MRPL52: variants seen among roughly 807,000 people sequenced by gnomAD.
MRPL52 encodes the protein mitochondrial ribosomal protein L52, also known as large ribosomal subunit protein mL52.
Under a neutral mutation model 22.1 loss-of-function variants are expected in MRPL52, and 19 were observed. That is an observed-to-expected ratio of 0.86 (90% CI 0.60 to 1.26). The LOEUF is 1.26. MRPL52 is among the 50% of genes most tolerant of loss of function. The pLI is 0.00. For missense variants in MRPL52, 152 were observed against 148.1 expected (o/e 1.03, Z -0.14); for synonymous variants, 50 against 57.5 (o/e 0.87, Z 0.59).
rs766814719 is a variant in MRPL52 at position 22,833,475 on chromosome 14, C to T, written c.212C>T (p.Thr71Met). The T allele has an allele frequency of 1.8e-5, 29 of 1,612,702 alleles. No individual in the cohort carries two copies. Among genetic ancestry groups the T allele is most frequent in the South Asian group, 5.5e-5 (5 of 91,054 alleles). Residue 71 changes from threonine (T) to methionine (M), a missense_variant, in exon 4 of 5, where the codon ACG (threonine) becomes ATG (methionine). Coordinates refer to ENST00000397496, the MANE Select transcript of MRPL52 (RefSeq NM_180982.3). ...CTTCGAAGAAAAGCTGAAAGGGAGA[C>T]GTTTGCAGTGAGTGGTTAGAGCAAC... ...GQLRRKAERE[T>M]FARRVVLLSQ...
chr14:22,830,448 A>C, intron 3 of MRPL52, 194 bp downstream of exon 3: 1 of 626,852 alleles, frequency 1.6e-6, no homozygotes, highest in Admixed American at 2.9e-5. Context: ...AGGTAAAGCT[A>C]AACAGGATCT....
rs781099882 is a variant in MRPL52, at chr14:22,833,486, AGTGG to A, written c.219+5_219+8del. ...AGCTGAAAGGGAGACGTTTGCAGTG[AGTGG>A]TTAGAGCAACAGCCAGGGCTACCTG... On this transcript the variant is annotated splice_donor_5th_base_variant and intron_variant, in intron 4 of 4. Coordinates refer to ENST00000397496, the MANE Select transcript of MRPL52 (RefSeq NM_180982.3). The A allele has an allele frequency of 4.3e-6, 7 of 1,610,720 alleles. No individual in the cohort carries two copies. The highest frequency in any genetic ancestry group is 5.9e-6 in the Non-Finnish European group (7 of 1,176,888).
intron 2 of MRPL52, 24 bp downstream of exon 2, chr14:22,830,134 T>G (rs1042147455): frequency 6.2e-7 from 1 of 1,614,060 alleles, no homozygotes; most frequent in Non-Finnish European, 8.5e-7. Flanking sequence ...TGAGGGCACC[T>G]GGGGGACCAG....
intron 3 of MRPL52, chr14:22,831,905 G>C (rs572212062): frequency 6.6e-6 from 1 of 152,174 alleles, no homozygotes; most frequent in South Asian, 2.1e-4. Context: ...TACTCGGGAG[G>C]CTGAGGCAGG....
intron 4 of MRPL52, 76 bp downstream of exon 4, chr14:22,833,558 C>A: frequency 9.1e-7 from 1 of 1,097,044 alleles, no homozygotes; most frequent in Non-Finnish European, 1.4e-6. Context: ...AGCTGTGTTG[C>A]ACCTAAGCAA....
At chr14:22,830,155 A>G in intron 2 of MRPL52, 32 bp from the exon 3 acceptor site, 3 of 1,614,118 alleles carry the variant, frequency 1.9e-6, no homozygotes, top group South Asian at 2.2e-5. Flanking sequence ...AAGCTGGGCT[A>G]GGTCCTCACA....
intron 3 of MRPL52, chr14:22,831,105 G>GTTTTTTT (rs1566474798): frequency 2.1e-3 from 214 of 100,742 alleles, no homozygotes; most frequent in South Asian, 8.1e-3. Context: ...ACATATGACT[G>GTTTTTTT]CTTTTTTTTT....
chr14:22,831,079 G>T (rs2039600674), intron 3 of MRPL52: 1 of 611,198 alleles, frequency 1.6e-6, no homozygotes, highest in South Asian at 1.6e-5. Context: ...TGGACTATTG[G>T]AAAGACTCTG....
chr14:22,830,210 C>T lies in MRPL52; in HGVS notation c.110C>T (p.Ser37Phe). ...AGGCAGGGACTGGCTGCCAACCCCT[C>T]CGGCTACGGGCCCCTTACCGAGCTC... The part of the protein sequence containing the change: ...RLQQGLAANP[S>F]GYGPLTELPD... The change falls in exon 3 of 5, where the codon TCC becomes TTC. Residue 37 changes from serine (S) to phenylalanine (F), a missense_variant. By Grantham distance (155) the Ser-to-Phe change is radical (BLOSUM62 -2). Coordinates refer to ENST00000397496, the MANE Select transcript of MRPL52 (RefSeq NM_180982.3). 1.2e-6 allele frequency: 2 copies of T among 1,614,246 alleles called. No homozygotes were observed. Among genetic ancestry groups the T allele is most frequent in the Non-Finnish European group, 1.7e-6 (2 of 1,180,036 alleles).
At chr14:22,830,550 A>AT (rs202229243) in intron 3 of MRPL52, 446 of 448,170 alleles carry the variant, frequency 1.0e-3, no homozygotes, top group African/African-American at 3.9e-3. Context: ...AAAGGGGGAC[A>AT]TTTTTTTTTA....
chr14:22,830,299 CTAGAGG>C, intron 3 of MRPL52, 45 bp downstream of exon 3: 1 of 1,600,644 alleles, frequency 6.2e-7, no homozygotes, highest in Non-Finnish European at 8.6e-7. Context: ...AGATTTTCAC[CTAGAGG>C]GAACGCCCCT....
At chr14:22,832,945 C>T (rs191643934) in intron 3 of MRPL52, among the ~76,000 whole-genome samples, 8 of 151,938 alleles carry the variant, frequency 5.3e-5, no homozygotes, top group Admixed American at 2.0e-4. Flanking sequence ...TTTGGGAGGC[C>T]GAGGCAGGTG....
At chr14:22,830,287 G>C (rs1173151408) in intron 3 of MRPL52, 33 bp downstream of exon 3, 1 of 1,612,978 alleles carries the variant, frequency 6.2e-7, no homozygotes, top group Non-Finnish European at 8.5e-7. Context: ...ACTCCACTGG[G>C]GAGATTTTCA....
At chr14:22,833,321 C>T (rs988195276) in intron 3 of MRPL52, 97 bp from the exon 4 acceptor site, 14 of 766,528 alleles carry the variant, frequency 1.8e-5, no homozygotes, top group Non-Finnish European at 2.3e-5. Flanking sequence ...AAGAGAGGAG[C>T]TAGAGATTGG....
Position 22,834,360 on chromosome 14 carries a change from ATTTCT to A in MRPL52, c.*45_*49del. 2.5e-6 allele frequency: 4 copies of A among 1,579,186 alleles called. No homozygotes were observed. Among genetic ancestry groups the A allele is most frequent in the Non-Finnish European group, 3.4e-6 (4 of 1,164,874 alleles). ...CCTCCCTTCCTCACCCTGTCTCTGG[ATTTCT>A]TTTCTATCACCTAGATGCTTCATCC... is the stretch of plus-strand genomic sequence containing the variant. On this transcript the variant is annotated 3_prime_UTR_variant, in exon 5 of 5. Transcript: ENST00000397496.
intron 1 of MRPL52, 26 bp from the exon 2 acceptor site, chr14:22,830,027 C>T (rs1367433529): frequency 6.2e-7 from 1 of 1,613,916 alleles, no homozygotes; most frequent in South Asian, 1.1e-5. Context: ...GGCCTCTCCC[C>T]CAACTCTGCT....
intron 3 of MRPL52, chr14:22,831,646 CAG>C (rs1357325774): frequency 6.6e-6 from 1 of 152,156 alleles, no homozygotes; most frequent in African/African-American, 2.4e-5. Flanking sequence ...AACTTTTGGG[CAG>C]AGTTTTCACT....
At chr14:22,830,980 A>C (rs1444704760) in intron 3 of MRPL52, 2 of 1,533,264 alleles carry the variant, frequency 1.3e-6, no homozygotes, top group Non-Finnish European at 1.7e-6. Flanking sequence ...GATCCTGCTT[A>C]ATTGGATAAT....
At chr14:22,829,992 C>T (rs2039564151) in intron 1 of MRPL52, 52 bp downstream of exon 1, 3 of 1,612,858 alleles carry the variant, frequency 1.9e-6, no homozygotes, top group Non-Finnish European at 1.7e-6. Flanking sequence ...TGGGGACGGG[C>T]ACAGGACCCC....
Sources: allele counts gnomAD v4.1 joint callset (sites outside exome capture counted in the v4.1 genomes callset), GRCh38; gene constraint gnomAD v4.1.1; transcripts MANE v1.5; gene names NCBI Gene and HGNC (gene_info 2026-07-23, HGNC 2026-07-21).